SPNS2: variants seen among roughly 807,000 people sequenced by gnomAD.
The protein encoded by SPNS2 is SPNS lysolipid transporter 2, sphingosine-1-phosphate.
A neutral mutation model predicts 57.6 loss-of-function variants in SPNS2; 37 were observed. The observed-to-expected ratio is 0.64, with a 90% CI of 0.49 to 0.85. The LOEUF (loss-of-function observed/expected upper bound fraction) is 0.85. SPNS2 is among the 40% of genes least tolerant of loss of function. The pLI is 0.00. For synonymous variants in SPNS2, 440 were observed against 346.9 expected, an observed-to-expected ratio of 1.27 and a Z score of -2.98; for missense variants, 831 against 779.1, an observed-to-expected ratio of 1.07 and a Z score of -0.79.
chr17:4,533,529 T>C (rs1905601574), intron 8 of SPNS2, 97 bp downstream of exon 8: 7 of 1,328,050 alleles, frequency 5.3e-6, no homozygotes, highest in Non-Finnish European at 7.1e-6. Context: ...GGATGTTCCC[T>C]TCCCTCGGGG....
intron 8 of SPNS2, 61 bp from the exon 9 acceptor site, chr17:4,533,727 G>C: frequency 1.3e-6 from 2 of 1,583,678 alleles, no homozygotes; most frequent in Non-Finnish European, 1.7e-6. Flanking sequence ...GTAGGGAACA[G>C]AGACTGTGGT....
At chr17:4,509,283 C>T (rs1245016793) in intron 1 of SPNS2, among the ~76,000 whole-genome samples, 1 of 152,140 alleles carries the variant, frequency 6.6e-6, no homozygotes, top group African/African-American at 2.4e-5. Flanking sequence ...AAGAACTCTC[C>T]AGAGTTCTTA....
intron 3 of SPNS2, among the ~76,000 whole-genome samples, chr17:4,530,381 A>G (rs944483006): frequency 2.0e-5 from 3 of 152,166 alleles, no homozygotes; most frequent in Non-Finnish European, 2.9e-5. Context: ...ACCACTCTCA[A>G]GCTGGGATAG....
intron 9 of SPNS2, among the ~76,000 whole-genome samples, chr17:4,534,740 C>A (rs867297047): frequency 2.0e-5 from 3 of 151,962 alleles, no homozygotes; most frequent in Admixed American, 6.5e-5. Flanking sequence ...GGAGGCCTGG[C>A]GCAGTTCAGA....
rs1207599531 is a variant in SPNS2, at chr17:4,538,104, C to CG, written c.*656_*657insG. On this transcript the variant is annotated 3_prime_UTR_variant, in exon 13 of 13. Transcript: ENST00000329078. ...GGGTTGGCTCCCAGCCTGGAGGTCC[C>CG]AGATGGGGACTGTTCTGACAAGCTG... The CG allele has an allele frequency of 1.2e-5, 4 of 331,836 alleles. No homozygotes were observed. The highest frequency in any genetic ancestry group is 8.6e-5 in the African/African-American group (4 of 46,432). 20.6% of individuals were successfully genotyped at this position (331,836 alleles called of 1,614,324 possible).
At chr17:4,528,269 C>T (rs982831499) in intron 3 of SPNS2, among the ~76,000 whole-genome samples, 3 of 151,008 alleles carry the variant, frequency 2.0e-5, no homozygotes, top group South Asian at 4.2e-4. Context: ...GTGATCCTAC[C>T]GCCTCAGCCT....
intron 1 of SPNS2, among the ~76,000 whole-genome samples, chr17:4,509,155 G>A (rs2144313707): frequency 6.6e-6 from 1 of 152,328 alleles, no homozygotes. Context: ...CCAGTGGTGA[G>A]CTGAGGAATC....
intron 3 of SPNS2, among the ~76,000 whole-genome samples, 191 bp from the exon 4 acceptor site, chr17:4,530,441 T>TAC (rs1158266088): frequency 6.6e-6 from 1 of 152,102 alleles, no homozygotes; most frequent in African/African-American, 2.4e-5. Context: ...AGACCCACTA[T>TAC]ACAGAGGGGC....
rs116870089 is a variant in SPNS2 at position 4,505,431 on chromosome 17, A to G, written c.370+6014A>G. ...CTCTTTGTTCTGACCAGGGCTCACA[A>G]TGAGCCTCAGGGCCTGAGTCTCCAG... On this transcript the variant is annotated intron_variant, in intron 1 of 12. Transcript: ENST00000329078. Among the ~76,000 whole-genome samples, 79 of 152,304 alleles carry G rather than the reference A, an allele frequency of 5.2e-4. No individual in the cohort carries two copies. The East Asian group carries it at 0.01, about 19-fold the overall frequency.
chr17:4,499,353 G>T lies in SPNS2; in HGVS notation c.306G>T (p.Gly102=). 2 of 1,448,014 alleles carry T rather than the reference G, an allele frequency of 1.4e-6. No individual in the cohort carries two copies. The highest frequency in any genetic ancestry group is 1.8e-6 in the Non-Finnish European group (2 of 1,106,692). The allele number at this position is 1,448,014 out of a possible 1,614,324, so 89.7% of individuals were successfully genotyped here. Residue 102 remains glycine (G), a synonymous_variant, in exon 1 of 13, where the codon GGG becomes GGT. Coordinates refer to ENST00000329078, the MANE Select transcript of SPNS2 (RefSeq NM_001124758.3). This position sits in a 1 kb window ranked among gnomAD's most constrained non-coding sequence, Gnocchi z 5.2. ...CGGCCAGCTTGGGCCGCGGGCGGGG[G>T]GCAGCCGCCGCCATCCTCAGCTTGG... ...PKPASLGRGR[G]AAAAILSLGN... is the part of the protein sequence containing the mutation.
intron 9 of SPNS2, chr17:4,534,395 A>C (rs923235432): frequency 1.1e-5 from 2 of 179,338 alleles, no homozygotes; most frequent in African/African-American, 4.7e-5. Flanking sequence ...GAGTGGAGCT[A>C]GGAGTTCATG....
In SPNS2 at chr17:4,523,266, C is replaced by T. The variant is rs1039452322; in HGVS notation, c.437-1791C>T. 2.6e-5 allele frequency among the ~76,000 whole-genome samples: 4 copies of T among 151,974 alleles called. No individual in the cohort carries two copies. In the South Asian group the frequency reaches 8.3e-4, roughly 32 times the overall value. On this transcript the variant is annotated intron_variant, in intron 2 of 12. Coordinates refer to ENST00000329078, the MANE Select transcript of SPNS2 (RefSeq NM_001124758.3). ...CAGGCTGGCCAACATAGAGAAACCC[C>T]GTCTCTACTAACAATACAAAAATTA...
At chr17:4,534,974 G>A (rs187812081) in intron 9 of SPNS2, among the ~76,000 whole-genome samples, 9 of 152,174 alleles carry the variant, frequency 5.9e-5, no homozygotes. Context: ...GCTGGAAACA[G>A]GGCCACTCGT....
At chr17:4,509,894 G>A (rs1052546948) in intron 1 of SPNS2, among the ~76,000 whole-genome samples, 6 of 152,244 alleles carry the variant, frequency 3.9e-5, no homozygotes, top group Admixed American at 6.5e-5. Context: ...CACGCCTGGC[G>A]GGGTGGGCTT....
In SPNS2 at chr17:4,538,933, T is replaced by A; in HGVS notation, c.*1485T>A. 1.3e-6 allele frequency: 1 copy of A among 783,102 alleles called. No individual in the cohort carries two copies. Among genetic ancestry groups the A allele is most frequent in the Non-Finnish European group, 2.4e-6 (1 of 419,954 alleles). 48.5% of individuals were successfully genotyped at this position (783,102 alleles called of 1,614,324 possible). A position where few individuals can be genotyped will look rare whatever the true frequency, so the allele number is the denominator to read the frequency against. The stretch of plus-strand genomic sequence containing the variant: ...CTCCTCTTCCTTCCGGAAGCCAAAC[T>A]GCTCCTTTATTTTTTAGAGCTGCTG... On this transcript the variant is annotated 3_prime_UTR_variant, in exon 13 of 13. Coordinates refer to ENST00000329078, the MANE Select transcript of SPNS2 (RefSeq NM_001124758.3).
rs142224404 is a variant in SPNS2 at position 4,532,616 on chromosome 17, C to A, written c.867C>A (p.Ala289=). Residue 289 remains alanine (A), a synonymous_variant, in exon 6 of 13, where the codon GCC becomes GCA. Coordinates refer to ENST00000329078, the MANE Select transcript of SPNS2 (RefSeq NM_001124758.3). ...TCCCAGCCACTAAAAGGGGTCATGCCGACCAGCTCGGGGACCAGCTCAAGG... is the reference window on the plus strand; with the variant it reads ...TCCCAGCCACTAAAAGGGGTCATGCAGACCAGCTCGGGGACCAGCTCAAGG... The part of the protein sequence containing the change: ...ILVPATKRGH[A]DQLGDQLKAR... 537 of 1,614,142 alleles carry A rather than the reference C, an allele frequency of 3.3e-4. 3 individuals carry two copies. The African/African-American group carries it at 5.8e-3, about 17-fold the overall frequency.
chr17:4,534,037 AAAACAGGGTTGGG>A (rs1314670225), intron 9 of SPNS2, among the ~76,000 whole-genome samples, 184 bp downstream of exon 9: 5 of 151,960 alleles, frequency 3.3e-5, no homozygotes, highest in Admixed American at 6.5e-5. Context: ...CCAGGGCTGG[AAAACAGGGTTGGG>A]CAGGCAGACA....
chr17:4,533,677 G>C, intron 8 of SPNS2, 111 bp from the exon 9 acceptor site: 1 of 1,262,118 alleles, frequency 7.9e-7, no homozygotes, highest in East Asian at 2.4e-5. Context: ...GGCCCGGGAG[G>C]GGTGTGAGGT....
At chr17:4,500,316 A>G (rs1904441098) in intron 1 of SPNS2, among the ~76,000 whole-genome samples, 1 of 151,962 alleles carries the variant, frequency 6.6e-6, no homozygotes, top group Admixed American at 6.5e-5. Context: ...GAGTTGATTG[A>G]TCATTGGGCC....
Sources: gnomAD v4.1 joint callset for allele counts (sites outside exome capture counted in the v4.1 genomes callset) on GRCh38, gnomAD v4.1.1 for gene constraint, Gnocchi (gnomAD v3.1) non-coding constraint, MANE v1.5 for transcripts, NCBI Gene and HGNC (gene_info 2026-07-23, HGNC 2026-07-21) for gene names.